DLG1: variants seen among roughly 807,000 people sequenced by gnomAD.
DLG1 encodes the protein disks large homolog 1.
A neutral mutation model predicts 123.4 loss-of-function variants in DLG1; 42 were observed. The observed-to-expected ratio is 0.34, with a 90% CI of 0.27 to 0.44. The LOEUF is 0.44. Among genes scored for constraint, DLG1 ranks in the 20% least tolerant of loss-of-function variants. DLG1 has a pLI of 1.00. For synonymous variants in DLG1, 317 were observed against 356.2 expected, an observed-to-expected ratio of 0.89 and a Z score of 1.24; for missense variants, 942 against 1,082.6, an observed-to-expected ratio of 0.87 and a Z score of 1.82.
Position 197,220,692 on chromosome 3 carries a change from T to C in DLG1, c.319-26103A>G, listed in dbSNP as rs559676542. Among the ~76,000 whole-genome samples, 63 of 152,284 alleles carry C rather than the reference T, an allele frequency of 4.1e-4. No homozygotes were observed. The South Asian group carries it at 0.012, about 28-fold the overall frequency. On this transcript the variant is annotated intron_variant, in intron 4 of 24. Coordinates refer to ENST00000667157, the MANE Select transcript of DLG1 (RefSeq NM_001366207.1). The stretch of plus-strand genomic sequence containing the variant: ...CCAGCAGAAAAAGAAAGGAGTTTAA[T>C]ACACCATCCTGAAAGACTGAGGAAC...
At chr3:197,261,914 T>C (rs1278925707) in intron 4 of DLG1, among the ~76,000 whole-genome samples, 1 of 152,186 alleles carries the variant, frequency 6.6e-6, no homozygotes, top group Admixed American at 6.5e-5. Flanking sequence ...TAATGCTGAC[T>C]TGTTAGGTCA....
chr3:197,261,191 G>T (rs1034589285), intron 4 of DLG1, among the ~76,000 whole-genome samples: 9 of 152,174 alleles, frequency 5.9e-5, no homozygotes, highest in Non-Finnish European at 1.0e-4. Flanking sequence ...ACTGGAGCTA[G>T]ATAGGCTAAC....
intron 4 of DLG1, among the ~76,000 whole-genome samples, chr3:197,268,879 C>T (rs539046476): frequency 1.3e-5 from 2 of 149,124 alleles, no homozygotes; most frequent in East Asian, 1.9e-4. Flanking sequence ...CAAACACACA[C>T]TTTTAAATAC....
At chr3:197,191,303 C>T (rs1719376892) in intron 5 of DLG1, among the ~76,000 whole-genome samples, 1 of 152,134 alleles carries the variant, frequency 6.6e-6, no homozygotes, top group Non-Finnish European at 1.5e-5. Context: ...CATCTGGAGA[C>T]TCTGGGTAAA....
intron 4 of DLG1, among the ~76,000 whole-genome samples, chr3:197,279,091 T>C (rs1767941682): frequency 6.6e-6 from 1 of 152,204 alleles, no homozygotes; most frequent in African/African-American, 2.4e-5. Context: ...GTCCTAAACA[T>C]CATGCCCCAA....
chr3:197,258,736 G>A (rs572643347), intron 4 of DLG1, among the ~76,000 whole-genome samples: 1 of 152,284 alleles, frequency 6.6e-6, no homozygotes, highest in East Asian at 1.9e-4. Context: ...GCAGCCTTTA[G>A]TTCAAAAGAA....
chr3:197,235,706 G>A (rs557690158), intron 4 of DLG1, among the ~76,000 whole-genome samples: 1 of 152,214 alleles, frequency 6.6e-6, no homozygotes, highest in East Asian at 1.9e-4. Context: ...ACAGTACTTA[G>A]GAACACTCAA....
intron 4 of DLG1, among the ~76,000 whole-genome samples, chr3:197,241,558 C>A (rs965694600): frequency 6.6e-6 from 1 of 152,102 alleles, no homozygotes; most frequent in Non-Finnish European, 1.5e-5. Flanking sequence ...AATCCACTCA[C>A]GACTCTAGTA....
At chr3:197,177,270 A>T (rs1469319553) in intron 5 of DLG1, among the ~76,000 whole-genome samples, 3 of 152,106 alleles carry the variant, frequency 2.0e-5, no homozygotes, top group Non-Finnish European at 4.4e-5. Flanking sequence ...TTTCCATCCA[A>T]ACTGTGAATG....
chr3:197,224,574 G>A (rs1476977403), intron 4 of DLG1, among the ~76,000 whole-genome samples: 4 of 152,088 alleles, frequency 2.6e-5, no homozygotes, highest in African/African-American at 7.2e-5. Context: ...CAACCAATAC[G>A]AATGTTAAAT....
chr3:197,170,829 G>C (rs2150022000), intron 5 of DLG1, among the ~76,000 whole-genome samples: 1 of 152,254 alleles, frequency 6.6e-6, no homozygotes, highest in South Asian at 2.1e-4. Context: ...GAATGGTACT[G>C]CCTAGGTTGT....
At chr3:197,180,415 G>A (rs1014166411) in intron 5 of DLG1, among the ~76,000 whole-genome samples, 4 of 152,106 alleles carry the variant, frequency 2.6e-5, no homozygotes, top group Non-Finnish European at 2.9e-5. Context: ...GAGGGACGCT[G>A]AGGGTGCGGA....
At chr3:197,049,631 A>G (rs1725868687) in intron 24 of DLG1, among the ~76,000 whole-genome samples, 1 of 152,090 alleles carries the variant, frequency 6.6e-6, no homozygotes, top group Non-Finnish European at 1.5e-5. Context: ...ACATGCCTGT[A>G]ATCCCAGCTA....
intron 4 of DLG1, among the ~76,000 whole-genome samples, chr3:197,261,807 CAG>C (rs146878646): frequency 0.041 from 6,235 of 152,236 alleles, 183 homozygotes; most frequent in Non-Finnish European, 0.055. Flanking sequence ...TAAAGCCTAA[CAG>C]GGTATACTTG....
chr3:197,179,544 C>CAATTA (rs2150115468), intron 5 of DLG1, among the ~76,000 whole-genome samples: 1 of 152,218 alleles, frequency 6.6e-6, no homozygotes, highest in Admixed American at 6.5e-5. Context: ...ATCCTAGGTG[C>CAATTA]AATAATTCCT....
intron 6 of DLG1, among the ~76,000 whole-genome samples, chr3:197,145,192 C>G (rs553594129): frequency 6.6e-6 from 1 of 152,098 alleles, no homozygotes; most frequent in African/African-American, 2.4e-5. Context: ...TCCTTTGTTA[C>G]GAGTAAAATT....
chr3:197,115,345 G>A (rs1240673014), intron 13 of DLG1, among the ~76,000 whole-genome samples: 2 of 149,570 alleles, frequency 1.3e-5, no homozygotes, highest in African/African-American at 4.9e-5. Flanking sequence ...GTAAGAAGAG[G>A]AGAAAAGATG....
chr3:197,057,769 C>T (rs1732800046), intron 23 of DLG1, among the ~76,000 whole-genome samples: 1 of 152,138 alleles, frequency 6.6e-6, no homozygotes, highest in African/African-American at 2.4e-5. Context: ...TTGGTGTCTG[C>T]TGCATGTGTA....
intron 1 of DLG1, chr3:197,298,163 T>A (rs1778441545): frequency 4.6e-6 from 1 of 216,794 alleles, no homozygotes; most frequent in Non-Finnish European, 9.0e-6. Flanking sequence ...CGTGACCGCT[T>A]TCCCGGCGCT....
Sources: gnomAD v4.1 joint callset for allele counts (sites outside exome capture counted in the v4.1 genomes callset) on GRCh38, gnomAD v4.1.1 for gene constraint, MANE v1.5 for transcripts, NCBI Gene and HGNC (gene_info 2026-07-23, HGNC 2026-07-21) for gene names.